SDCCAG8: variants seen among roughly 807,000 people sequenced by gnomAD.
The protein encoded by SDCCAG8 is serologically defined colon cancer antigen 8.
In SDCCAG8, 74 loss-of-function variants were observed where a neutral mutation model predicts 101.8. That is an observed-to-expected ratio of 0.73 (90% CI 0.60 to 0.88). The LOEUF is 0.88. Among genes scored for constraint, SDCCAG8 ranks in the 40% least tolerant of loss-of-function variants. The pLI, the probability that SDCCAG8 is intolerant of heterozygous loss-of-function variation, is 0.00. For missense variants in SDCCAG8, 787 were observed against 822.6 expected, an observed-to-expected ratio of 0.96 and a Z score of 0.53; for synonymous variants, 281 against 292.9, an observed-to-expected ratio of 0.96 and a Z score of 0.41.
chr1:243,480,497 G>A (rs866003278), intron 16 of SDCCAG8, among the ~76,000 whole-genome samples: 1 of 86,250 alleles, frequency 1.2e-5, no homozygotes, highest in Non-Finnish European at 2.3e-5. Flanking sequence ...TGGGTGGGAT[G>A]GATGGATGGA....
intron 13 of SDCCAG8, among the ~76,000 whole-genome samples, chr1:243,402,565 T>C (rs974526551): frequency 6.6e-6 from 1 of 152,202 alleles, no homozygotes; most frequent in African/African-American, 2.4e-5. Flanking sequence ...TCACACCCCT[T>C]TGTGTATTTT....
At chr1:243,334,694 A>G (rs1456856245) in intron 10 of SDCCAG8, among the ~76,000 whole-genome samples, 3 of 152,102 alleles carry the variant, frequency 2.0e-5, no homozygotes, top group Admixed American at 2.0e-4. Context: ...GAGCTCAGGT[A>G]ATCCTCCCAC....
At chr1:243,448,334 GTTC>G (rs1440662767) in intron 16 of SDCCAG8, among the ~76,000 whole-genome samples, 3 of 152,146 alleles carry the variant, frequency 2.0e-5, no homozygotes, top group African/African-American at 7.2e-5. Flanking sequence ...CTGTTGTTCC[GTTC>G]TTCTCAGGAA....
chr1:243,256,751 A>G (rs982903095), intron 1 of SDCCAG8, among the ~76,000 whole-genome samples: 1 of 152,222 alleles, frequency 6.6e-6, no homozygotes, highest in Non-Finnish European at 1.5e-5. Context: ...AATATTTTAC[A>G]CATGGGGAAA....
intron 4 of SDCCAG8, among the ~76,000 whole-genome samples, chr1:243,285,781 A>G (rs1027730543): frequency 1.3e-5 from 2 of 152,188 alleles, no homozygotes; most frequent in African/African-American, 4.8e-5. Flanking sequence ...ACAATTCTCC[A>G]TGAAATGTTT....
intron 6 of SDCCAG8, among the ~76,000 whole-genome samples, chr1:243,294,501 A>AAGAGGGAGAGAGAGAGAGAG (rs2070627731): frequency 7.5e-5 from 2 of 26,684 alleles, no homozygotes; most frequent in African/African-American, 2.5e-4. Flanking sequence ...GAGAGAGAGA[A>AAGAGGGAGAGAGAGAGAGAG]AGAGCGAGAG....
rs562554722 is a variant in SDCCAG8 at position 243,461,727 on chromosome 1, C to T, written c.1986-27287C>T. 5.9e-5 allele frequency among the ~76,000 whole-genome samples: 9 copies of T among 152,158 alleles called. No individual in the cohort carries two copies. The East Asian group carries it at 1.5e-3, about 26-fold the overall frequency. On this transcript the variant is annotated intron_variant, in intron 16 of 17. Coordinates refer to ENST00000366541, the MANE Select transcript of SDCCAG8 (RefSeq NM_006642.5). ...ATTCCTTATTTCTGGACTATTGGTG[C>T]GTCTAAATGTACCATGGTACATTTT...
chr1:243,481,841 T>C (rs2148231060), intron 16 of SDCCAG8, among the ~76,000 whole-genome samples: 1 of 152,202 alleles, frequency 6.6e-6, no homozygotes, highest in African/African-American at 2.4e-5. Flanking sequence ...CTGTAGTCCG[T>C]AGGTAGCTCC....
chr1:243,427,087 C>T (rs1299105579), intron 16 of SDCCAG8, among the ~76,000 whole-genome samples: 5 of 152,098 alleles, frequency 3.3e-5, no homozygotes, highest in African/African-American at 9.7e-5. Context: ...TATATATTGG[C>T]GCTAATCATA....
At chr1:243,407,615 T>A (rs1442390893) in intron 13 of SDCCAG8, among the ~76,000 whole-genome samples, 1 of 152,216 alleles carries the variant, frequency 6.6e-6, no homozygotes, top group Non-Finnish European at 1.5e-5. Flanking sequence ...GGAGATACTG[T>A]AAGAACATTT....
At chr1:243,312,906 C>T (rs1037934040) in intron 8 of SDCCAG8, among the ~76,000 whole-genome samples, 5 of 152,066 alleles carry the variant, frequency 3.3e-5, no homozygotes, top group East Asian at 3.9e-4. Flanking sequence ...TCCGACCTTT[C>T]GCCTTTCACT....
intron 4 of SDCCAG8, among the ~76,000 whole-genome samples, chr1:243,276,351 A>G (rs1290496592): frequency 6.6e-6 from 1 of 152,228 alleles, no homozygotes; most frequent in East Asian, 1.9e-4. Context: ...GAACTGGTAA[A>G]ATGGAAGATT....
intron 16 of SDCCAG8, among the ~76,000 whole-genome samples, chr1:243,482,154 G>A (rs1558530145): frequency 6.6e-6 from 1 of 152,226 alleles, no homozygotes; most frequent in Non-Finnish European, 1.5e-5. Context: ...AGAGCTGGCA[G>A]CTTGCACCGC....
rs866003278 is a variant in SDCCAG8, at chr1:243,480,497, G to T, written c.1986-8517G>T. Among the ~76,000 whole-genome samples the T allele has an allele frequency of 1.9e-3, 168 of 86,300 alleles. 4 individuals are homozygous for T. The highest frequency in any genetic ancestry group is 7.8e-3 in the African/African-American group (162 of 20,794). 56.6% of individuals were successfully genotyped at this position (86,300 alleles called of 152,430 possible). A position where few individuals can be genotyped will look rare whatever the true frequency, so the allele number is the denominator to read the frequency against. On this transcript the variant is annotated intron_variant, in intron 16 of 17. Transcript: ENST00000366541. ...GGATGGATGGATGGATGGGTGGGATGGATGGATGGATAGGTGGGATGGGTG... is the reference window on the plus strand; with the variant it reads ...GGATGGATGGATGGATGGGTGGGATTGATGGATGGATAGGTGGGATGGGTG...
chr1:243,340,311 G>A (rs2147779608), intron 10 of SDCCAG8, among the ~76,000 whole-genome samples: 1 of 152,296 alleles, frequency 6.6e-6, no homozygotes, highest in South Asian at 2.1e-4. Flanking sequence ...AATCTTTACA[G>A]TGTGGGAAAC....
intron 6 of SDCCAG8, among the ~76,000 whole-genome samples, chr1:243,299,565 C>T (rs2149306996): frequency 6.6e-6 from 1 of 152,188 alleles, no homozygotes; most frequent in Non-Finnish European, 1.5e-5. Context: ...AGGCACATGC[C>T]ACCACACTCG....
At chr1:243,340,237 G>T (rs1328898087) in intron 10 of SDCCAG8, among the ~76,000 whole-genome samples, 1 of 152,186 alleles carries the variant, frequency 6.6e-6, no homozygotes, top group Non-Finnish European at 1.5e-5. Context: ...CAGAGGTTGT[G>T]GTGTGATGGA....
At chr1:243,433,562 T>C (rs1012417387) in intron 16 of SDCCAG8, among the ~76,000 whole-genome samples, 5 of 150,982 alleles carry the variant, frequency 3.3e-5, no homozygotes, top group Non-Finnish European at 5.9e-5. Context: ...GGAACCAGCC[T>C]CCCTTGGCAG....
At chr1:243,357,920 C>T (rs2076481547) in intron 12 of SDCCAG8, among the ~76,000 whole-genome samples, 1 of 152,136 alleles carries the variant, frequency 6.6e-6, no homozygotes, top group South Asian at 2.1e-4. Flanking sequence ...GTTCCTACCT[C>T]ATAGTGTAGA....
Sources: gnomAD v4.1 joint callset for allele counts (sites outside exome capture counted in the v4.1 genomes callset) on GRCh38, gnomAD v4.1.1 for gene constraint, MANE v1.5 for transcripts, NCBI Gene and HGNC (gene_info 2026-07-23, HGNC 2026-07-21) for gene names.